GRIA1: variants seen among roughly 807,000 people sequenced by gnomAD.
The protein encoded by GRIA1 is glutamate ionotropic receptor AMPA type subunit 1.
GRIA1 carries 31 observed loss-of-function variants against 99.2 expected under a neutral mutation model. The observed-to-expected ratio is 0.31, with a 90% CI of 0.23 to 0.42. The LOEUF is 0.42. GRIA1 is among the 10% of genes least tolerant of loss of function. The pLI is 1.00. For missense variants in GRIA1, 782 were observed against 1,157.5 expected (o/e 0.68, Z 4.71); for synonymous variants, 438 against 432.4 (o/e 1.01, Z -0.16).
At chr5:153,707,070 G>C (rs555899346) in intron 11 of GRIA1, among the ~76,000 whole-genome samples, 1 of 152,250 alleles carries the variant, frequency 6.6e-6, no homozygotes, top group African/African-American at 2.4e-5. Flanking sequence ...AGTGAGGCAA[G>C]ATCATGCCAC....
intron 2 of GRIA1, among the ~76,000 whole-genome samples, chr5:153,566,727 T>TC (rs1206077901): frequency 6.7e-6 from 1 of 149,092 alleles, no homozygotes; most frequent in Non-Finnish European, 1.5e-5. Flanking sequence ...TTTTTTTTTT[T>TC]TTTTTTGAGA....
At chr5:153,643,911 T>C (rs955253807) in intron 2 of GRIA1, among the ~76,000 whole-genome samples, 1 of 152,180 alleles carries the variant, frequency 6.6e-6, no homozygotes, top group Admixed American at 6.5e-5. Context: ...CCTACTTCAC[T>C]TCTAAAGTCC....
At position 153,740,572 on chromosome 5, in the gene GRIA1, A is replaced by G. The variant is rs186126121; in HGVS notation, c.1824-23862A>G. Reference sequence around the variant, plus strand: ...CAAGCTCTTCATCTGTAAAATGGCAACTGGGGGAAAATACTTCTTCCTAGG... The same window carrying G: ...CAAGCTCTTCATCTGTAAAATGGCAGCTGGGGGAAAATACTTCTTCCTAGG... On this transcript the variant is annotated intron_variant, in intron 11 of 15. Coordinates refer to ENST00000285900, the MANE Select transcript of GRIA1 (RefSeq NM_000827.4). Among the ~76,000 whole-genome samples, 5 of 152,366 alleles carry G rather than the reference A, an allele frequency of 3.3e-5. No homozygotes were observed. The East Asian group carries it at 9.6e-4, about 29-fold the overall frequency.
At chr5:153,553,355 G>A (rs1760325482) in intron 2 of GRIA1, among the ~76,000 whole-genome samples, 1 of 152,184 alleles carries the variant, frequency 6.6e-6, no homozygotes, top group East Asian at 1.9e-4. Flanking sequence ...GTGAAAGACT[G>A]AGGCAGGTTT....
intron 1 of GRIA1, chr5:153,491,478 A>T: frequency 4.4e-6 from 1 of 229,346 alleles, no homozygotes; most frequent in Non-Finnish European, 7.3e-6. Context: ...TGCTGGGTAT[A>T]TTGCAGCCAC....
intron 2 of GRIA1, among the ~76,000 whole-genome samples, chr5:153,627,402 A>G (rs1182956564): frequency 2.6e-5 from 4 of 152,076 alleles, no homozygotes; most frequent in African/African-American, 9.7e-5. Context: ...TTTATCCTTA[A>G]CCACTCAGGT....
intron 12 of GRIA1, among the ~76,000 whole-genome samples, chr5:153,767,901 T>A (rs933568158): frequency 7.9e-5 from 12 of 152,210 alleles, no homozygotes; most frequent in South Asian, 2.1e-4. Flanking sequence ...TGATAGTTCA[T>A]CCCAAGTGTC....
At chr5:153,540,261 C>T (rs563043515) in intron 2 of GRIA1, among the ~76,000 whole-genome samples, 3 of 152,192 alleles carry the variant, frequency 2.0e-5, no homozygotes, top group South Asian at 2.1e-4. Flanking sequence ...TCAGCTTAGG[C>T]CCTGCTGGAG....
At chr5:153,532,689 G>C (rs1477946285) in intron 2 of GRIA1, among the ~76,000 whole-genome samples, 2 of 152,052 alleles carry the variant, frequency 1.3e-5, no homozygotes, top group African/African-American at 4.8e-5. Context: ...AGCCCCTGTG[G>C]GCATCTGGAT....
At chr5:153,754,841 A>G (rs948587783) in intron 11 of GRIA1, among the ~76,000 whole-genome samples, 1 of 152,232 alleles carries the variant, frequency 6.6e-6, no homozygotes, top group Non-Finnish European at 1.5e-5. Context: ...CCAAAGAACT[A>G]AAAGATTCCT....
At chr5:153,531,329 G>A (rs1032984725) in intron 2 of GRIA1, among the ~76,000 whole-genome samples, 2 of 152,102 alleles carry the variant, frequency 1.3e-5, no homozygotes, top group African/African-American at 4.8e-5. Context: ...GGCCTTCCTG[G>A]GGATCTTCTC....
chr5:153,675,066 G>A (rs1330704476), intron 6 of GRIA1, among the ~76,000 whole-genome samples: 1 of 152,100 alleles, frequency 6.6e-6, no homozygotes, highest in African/African-American at 2.4e-5. Context: ...AAAAAAACAT[G>A]CAATGCACAA....
chr5:153,634,129 A>G (rs1469600563), intron 2 of GRIA1, among the ~76,000 whole-genome samples: 3 of 152,054 alleles, frequency 2.0e-5, no homozygotes, highest in African/African-American at 7.2e-5. Flanking sequence ...ATCCTGGCTA[A>G]CACGGTGAAA....
chr5:153,744,549 G>A (rs775304503), intron 11 of GRIA1, among the ~76,000 whole-genome samples: 8 of 152,180 alleles, frequency 5.3e-5, no homozygotes, highest in East Asian at 1.9e-4. Flanking sequence ...AGAGGAAAGC[G>A]TTACAAATTT....
At position 153,799,087 on chromosome 5, in the gene GRIA1, C is replaced by G. The variant is rs571799272; in HGVS notation, c.2386-3269C>G. Among the ~76,000 whole-genome samples the G allele has an allele frequency of 1.4e-4, 22 of 152,230 alleles. 1 individual carries two copies. Among genetic ancestry groups the G allele is most frequent in the South Asian group, 1.0e-3 (5 of 4,814 alleles). ...GGTGAATTGTGACTTTTCCACCCCC[C>G]CCTGACAAGCTGCCTAGCTTTTCTG... On this transcript the variant is annotated intron_variant, in intron 14 of 15. Coordinates refer to ENST00000285900, the MANE Select transcript of GRIA1 (RefSeq NM_000827.4).
intron 2 of GRIA1, among the ~76,000 whole-genome samples, chr5:153,576,165 A>T (rs1392740504): frequency 6.6e-6 from 1 of 152,230 alleles, no homozygotes; most frequent in African/African-American, 2.4e-5. Context: ...CAGTATCTGT[A>T]GAACAGCTTA....
At chr5:153,769,948 T>C (rs1217431628) in intron 12 of GRIA1, among the ~76,000 whole-genome samples, 1 of 152,200 alleles carries the variant, frequency 6.6e-6, no homozygotes, top group African/African-American at 2.4e-5. Flanking sequence ...TTAAAAGATC[T>C]GAGCTATTCT....
chr5:153,492,608 A>G (rs575481344), intron 1 of GRIA1, among the ~76,000 whole-genome samples: 1 of 152,004 alleles, frequency 6.6e-6, no homozygotes, highest in Admixed American at 6.5e-5. Flanking sequence ...CTTATATACT[A>G]CCTATCCTTT....
At chr5:153,722,375 G>T (rs1760135489) in intron 11 of GRIA1, among the ~76,000 whole-genome samples, 1 of 151,992 alleles carries the variant, frequency 6.6e-6, no homozygotes, top group African/African-American at 2.4e-5. Context: ...TTTGTGTCTT[G>T]CTTAAGAAGA....
Sources: gnomAD v4.1 joint callset for allele counts (sites outside exome capture counted in the v4.1 genomes callset) on GRCh38, gnomAD v4.1.1 for gene constraint, MANE v1.5 for transcripts, NCBI Gene and HGNC (gene_info 2026-07-23, HGNC 2026-07-21) for gene names.